The following UBE3C variants were observed in gnomAD, a reference collection of about 807,000 sequenced individuals.
UBE3C encodes ubiquitin protein ligase E3C, also known as ubiquitin-protein ligase E3C.
UBE3C carries 42 observed loss-of-function variants against 129.4 expected under a neutral mutation model. The ratio of observed to expected loss-of-function variants is 0.32; its 90% CI spans 0.25 to 0.42. UBE3C has a LOEUF of 0.42. Ranked by LOEUF, UBE3C falls within the 10% of genes least tolerant of loss-of-function variation. The pLI, the probability that UBE3C is intolerant of heterozygous loss-of-function variation, is 1.00. For missense variants in UBE3C, 1,049 were observed against 1,319.1 expected, an observed-to-expected ratio of 0.80 and a Z score of 3.17; for synonymous variants, 510 against 492.4, an observed-to-expected ratio of 1.04 and a Z score of -0.47.
chr7:157,269,135 C>G lies in UBE3C; in HGVS notation c.*1380C>G, dbSNP rs1797158289. Reference sequence around the variant, plus strand: ...AAATGCTATTTGTAGTCTTGATATACAGAAATAAAATAATTAGGGTTGGTC... The same window carrying G: ...AAATGCTATTTGTAGTCTTGATATAGAGAAATAAAATAATTAGGGTTGGTC... On this transcript the variant is annotated 3_prime_UTR_variant, in exon 23 of 23. Coordinates refer to ENST00000348165, the MANE Select transcript of UBE3C (RefSeq NM_014671.3). 1 of 152,500 alleles carries G rather than the reference C, an allele frequency of 6.6e-6. No homozygotes were observed. The highest frequency in any genetic ancestry group is 1.5e-5 in the Non-Finnish European group (1 of 68,014). The allele number at this position is 152,500 out of a possible 1,614,324, so 9.4% of individuals were successfully genotyped here.
rs536221665 is a variant in UBE3C, at chr7:157,182,192, T to C, written c.855T>C (p.Leu285=). 39 of 1,613,968 alleles carry C rather than the reference T, an allele frequency of 2.4e-5. No homozygotes were observed. The East Asian group carries it at 8.0e-4, about 33-fold the overall frequency. The change falls in exon 8 of 23, where the codon CTT becomes CTC. Residue 285 remains leucine (L), a synonymous_variant. Transcript: ENST00000348165. ...DQIFHFIIPA[L]ADAQTVFPYE... ...TTTTTCATTTCATCATTCCGGCGCT[T>C]GCAGATGCGCAGACCGTTTTCCCTT... is the stretch of plus-strand genomic sequence containing the variant.
chr7:157,185,532 T>C (rs555253506), intron 9 of UBE3C, among the ~76,000 whole-genome samples: 1 of 152,340 alleles, frequency 6.6e-6, no homozygotes, highest in Non-Finnish European at 1.5e-5. Context: ...CAGGCACTCA[T>C]AGGTTTCACT....
intron 1 of UBE3C, among the ~76,000 whole-genome samples, chr7:157,154,402 TTTTC>T (rs965872407): frequency 6.6e-6 from 1 of 152,184 alleles, no homozygotes; most frequent in African/African-American, 2.4e-5. Context: ...CCCACCATTA[TTTTC>T]TCAGTATCCT....
Position 157,169,027 on chromosome 7 carries a change from ACTC to A in UBE3C, c.121-15_121-13del, listed in dbSNP as rs1189958286. The A allele has an allele frequency of 1.2e-6, 2 of 1,604,710 alleles. No homozygotes were observed. The highest frequency in any genetic ancestry group is 1.3e-5 in the African/African-American group (1 of 74,734). ...CTGGATTCTGACCAATTGCTCCCTCACTCCTCCTTTTATTGTTTAGGAAGAAAG... is the reference window on the plus strand; with the variant it reads ...CTGGATTCTGACCAATTGCTCCCTCACTCCTTTTATTGTTTAGGAAGAAAG... On this transcript the variant is annotated intron_variant, in intron 2 of 22. Transcript: ENST00000348165.
At chr7:157,258,766 G>T (rs576175065) in intron 22 of UBE3C, among the ~76,000 whole-genome samples, 150 of 152,232 alleles carry the variant, frequency 9.9e-4, no homozygotes, top group African/African-American at 3.6e-3. Flanking sequence ...GGCCCCCCAA[G>T]TATTTTTTTA....
chr7:157,154,725 G>A lies in UBE3C; in HGVS notation c.67-9085G>A, dbSNP rs966741037. On this transcript the variant is annotated intron_variant, in intron 1 of 22. Coordinates refer to ENST00000348165, the MANE Select transcript of UBE3C (RefSeq NM_014671.3). ...TATATTGTGATATTTAAATGATTGC[G>A]TTTTGCATTGGATACTTCATTTTTT... Among the ~76,000 whole-genome samples the A allele has an allele frequency of 1.9e-4, 29 of 152,164 alleles. 1 individual carries two copies. The highest frequency in any genetic ancestry group is 5.3e-4 in the African/African-American group (22 of 41,456).
intron 22 of UBE3C, among the ~76,000 whole-genome samples, chr7:157,259,737 C>T (rs1414845550): frequency 2.0e-5 from 3 of 152,178 alleles, no homozygotes; most frequent in African/African-American, 2.4e-5. Flanking sequence ...GCAGCGGGAG[C>T]TTCGGAGAAG....
At chr7:157,144,881 A>G (rs1233444448) in intron 1 of UBE3C, among the ~76,000 whole-genome samples, 2 of 152,196 alleles carry the variant, frequency 1.3e-5, no homozygotes, top group Non-Finnish European at 2.9e-5. Flanking sequence ...CATAGTGTAC[A>G]TTCAGGTTCA....
intron 1 of UBE3C, among the ~76,000 whole-genome samples, chr7:157,158,268 A>G (rs974944621): frequency 1.3e-5 from 2 of 152,054 alleles, no homozygotes; most frequent in East Asian, 3.9e-4. Flanking sequence ...TTTGAAAACC[A>G]GTTTTTCATG....
chr7:157,189,271 T>C, intron 10 of UBE3C: 1 of 269,390 alleles, frequency 3.7e-6, no homozygotes, highest in East Asian at 7.1e-5. Flanking sequence ...TTAAAATTGG[T>C]TAAGTAATAA....
At chr7:157,190,834 T>C (rs1808941474) in intron 10 of UBE3C, among the ~76,000 whole-genome samples, 1 of 152,168 alleles carries the variant, frequency 6.6e-6, no homozygotes, top group South Asian at 2.1e-4. Context: ...TCTCCAACCA[T>C]AAATGAGGCA....
intron 1 of UBE3C, among the ~76,000 whole-genome samples, chr7:157,159,976 A>G (rs1808024561): frequency 6.6e-6 from 1 of 152,168 alleles, no homozygotes; most frequent in Non-Finnish European, 1.5e-5. Context: ...TTTTGTTGTG[A>G]TTATAAACAG....
chr7:157,193,844 C>T (rs1180014070), intron 10 of UBE3C, among the ~76,000 whole-genome samples: 2 of 152,066 alleles, frequency 1.3e-5, no homozygotes, highest in African/African-American at 4.8e-5. Flanking sequence ...ATGAAAATGA[C>T]TCTCAATGAA....
At chr7:157,201,484 G>A (rs1809279957) in intron 10 of UBE3C, among the ~76,000 whole-genome samples, 1 of 151,190 alleles carries the variant, frequency 6.6e-6, no homozygotes, top group Admixed American at 6.6e-5. Flanking sequence ...CACAGGGGAG[G>A]GAGGGCGGGC....
At chr7:157,180,682 A>G (rs12672740) in intron 6 of UBE3C, among the ~76,000 whole-genome samples, 41,258 of 152,168 alleles carry the variant, frequency 0.27, 6,680 homozygotes, top group African/African-American at 0.43. Flanking sequence ...GATTTGGATC[A>G]TTCTTGATAC....
rs776945911 is a variant in UBE3C, at chr7:157,220,815, T to TA, written c.2002+40dup. ...GACACAGGGTTACTGAGGTATGAAT[T>TA]ACATGCTGTCAAATTCACTCCTTTA... On this transcript the variant is annotated intron_variant, in intron 15 of 22. Coordinates refer to ENST00000348165, the MANE Select transcript of UBE3C (RefSeq NM_014671.3). 13 of 1,603,316 alleles carry TA rather than the reference T, an allele frequency of 8.1e-6. No homozygotes were observed. In the South Asian group the frequency reaches 1.2e-4, roughly 15 times the overall value.
intron 1 of UBE3C, among the ~76,000 whole-genome samples, chr7:157,163,203 G>T (rs1190454109): frequency 2.6e-5 from 4 of 151,818 alleles, no homozygotes; most frequent in African/African-American, 7.3e-5. Flanking sequence ...GGCTAACACA[G>T]TGAAACCCCG....
intron 10 of UBE3C, among the ~76,000 whole-genome samples, chr7:157,198,844 A>G (rs1413633422): frequency 6.6e-6 from 1 of 152,170 alleles, no homozygotes; most frequent in East Asian, 1.9e-4. Flanking sequence ...TTTATTTTTA[A>G]AAGTTTAATA....
At chr7:157,180,350 T>A (rs572905636) in intron 6 of UBE3C, among the ~76,000 whole-genome samples, 38 of 152,220 alleles carry the variant, frequency 2.5e-4, no homozygotes, top group Non-Finnish European at 1.6e-4. Flanking sequence ...TTTTTTAAAA[T>A]TCTTGATGTA....
Sources: allele counts gnomAD v4.1 joint callset (sites outside exome capture counted in the v4.1 genomes callset), GRCh38; gene constraint gnomAD v4.1.1; transcripts MANE v1.5; gene names NCBI Gene and HGNC (gene_info 2026-07-23, HGNC 2026-07-21).